Variants in NAALADL2 observed in about 807,000 individuals in gnomAD.
NAALADL2 encodes N-acetylated alpha-linked acidic dipeptidase like 2.
Under a neutral mutation model 87.2 loss-of-function variants are expected in NAALADL2, and 76 were observed. The ratio of observed to expected loss-of-function variants is 0.87; its 90% confidence interval spans 0.72 to 1.05. The LOEUF is 1.05. Among genes scored for constraint, NAALADL2 ranks in the 50% least tolerant of loss-of-function variants. The probability of loss-of-function intolerance (pLI) is 0.00; values close to 1 mark genes in which losing one functional copy is unlikely to be tolerated. For missense variants in NAALADL2, 1,089 were observed against 945.8 expected (o/e 1.15, Z -1.99); for synonymous variants, 354 against 331.0 (o/e 1.07, Z -0.75).
intron 1 of NAALADL2, among the ~76,000 whole-genome samples, chr3:174,492,106 T>A (rs1450168000): frequency 6.6e-6 from 1 of 151,694 alleles, no homozygotes; most frequent in East Asian, 1.9e-4. Context: ...TCTGTCACTA[T>A]TAAAAATACA....
intron 1 of NAALADL2, among the ~76,000 whole-genome samples, chr3:175,031,013 T>C (rs1351390168): frequency 6.6e-6 from 1 of 152,078 alleles, no homozygotes; most frequent in Non-Finnish European, 1.5e-5. Context: ...TCTAAATATT[T>C]CATGAAATTA....
At chr3:174,710,746 T>C (rs1730552151) in intron 2 of NAALADL2, among the ~76,000 whole-genome samples, 1 of 152,122 alleles carries the variant, frequency 6.6e-6, no homozygotes, top group African/African-American at 2.4e-5. Context: ...AGGGACCTCT[T>C]TCCTACAACC....
chr3:175,163,697 T>C (rs1431169223), intron 2 of NAALADL2, among the ~76,000 whole-genome samples: 1 of 152,184 alleles, frequency 6.6e-6, no homozygotes, highest in African/African-American at 2.4e-5. Flanking sequence ...TATTCTATTG[T>C]AAATTGATTT....
intron 2 of NAALADL2, among the ~76,000 whole-genome samples, chr3:174,559,428 A>G (rs1165147178): frequency 1.3e-5 from 2 of 152,218 alleles, no homozygotes; most frequent in African/African-American, 4.8e-5. Context: ...TCTTAACAGT[A>G]GATAAAGTAG....
upstream of NAALADL2, among the ~76,000 whole-genome samples, chr3:174,858,001 G>T (rs1726043825): frequency 6.6e-6 from 1 of 151,340 alleles, no homozygotes; most frequent in Admixed American, 6.6e-5. Context: ...ATAATATATA[G>T]ATTTTTTCAA....
chr3:175,604,470 A>ATT (rs371048158), intron 10 of NAALADL2, among the ~76,000 whole-genome samples: 2 of 151,194 alleles, frequency 1.3e-5, no homozygotes, highest in Non-Finnish European at 3.0e-5. Flanking sequence ...CGCCTGGCTA[A>ATT]TTTTTTTGTC....
chr3:174,898,455 A>G (rs1731890979), intron 1 of NAALADL2, among the ~76,000 whole-genome samples: 2 of 152,120 alleles, frequency 1.3e-5, no homozygotes, highest in South Asian at 4.1e-4. Context: ...CAGGGTGACT[A>G]TAGTCAATAA....
Position 174,908,155 on chromosome 3 carries a change from G to C in NAALADL2, c.43+48705G>C, listed in dbSNP as rs1415252485. ...AAAGTTCTGGAATACCTCTCTGGTT[G>C]CACTTGGTGGTGAAGTTATTACACA... On this transcript the variant is annotated intron_variant, in intron 1 of 13. Coordinates refer to ENST00000454872, the MANE Select transcript of NAALADL2 (RefSeq NM_207015.3). Among the ~76,000 whole-genome samples, 3 of 149,282 alleles carry C rather than the reference G, an allele frequency of 2.0e-5. 1 individual carries two copies. Among genetic ancestry groups the C allele is most frequent in the African/African-American group, 7.4e-5 (3 of 40,426 alleles).
chr3:175,734,986 G>C (rs771921186), intron 11 of NAALADL2, among the ~76,000 whole-genome samples: 3 of 152,136 alleles, frequency 2.0e-5, no homozygotes, highest in Admixed American at 6.5e-5. Flanking sequence ...ACATTGTCAG[G>C]CTGCAAATTT....
intron 2 of NAALADL2, among the ~76,000 whole-genome samples, chr3:174,561,642 G>A (rs573346770): frequency 5.8e-4 from 88 of 152,252 alleles, no homozygotes; most frequent in African/African-American, 2.1e-3. Flanking sequence ...AAAGTTGTTT[G>A]CTGCAACTGG....
chr3:175,696,927 C>T (rs550784234), intron 11 of NAALADL2, among the ~76,000 whole-genome samples: 7 of 152,114 alleles, frequency 4.6e-5, no homozygotes, highest in African/African-American at 1.7e-4. Flanking sequence ...CTTACTAACC[C>T]ACTTCTGCAA....
intron 11 of NAALADL2, among the ~76,000 whole-genome samples, chr3:175,709,997 A>C (rs2149997719): frequency 6.6e-6 from 1 of 152,190 alleles, no homozygotes; most frequent in East Asian, 1.9e-4. Flanking sequence ...CACAGAAAAT[A>C]GGGAAAAGAC....
At chr3:174,634,239 TTA>T (rs1313293194) in intron 2 of NAALADL2, among the ~76,000 whole-genome samples, 1 of 152,160 alleles carries the variant, frequency 6.6e-6, no homozygotes, top group East Asian at 1.9e-4. Context: ...CCTTTGACTT[TTA>T]AAAAATCATA....
At chr3:174,737,819 G>A (rs1250904964) in intron 3 of NAALADL2, 2 of 152,158 alleles carry the variant, frequency 1.3e-5, no homozygotes, top group East Asian at 1.9e-4. Flanking sequence ...GTGACTTCAT[G>A]TATTTCTATA....
rs541236469 is a variant in NAALADL2 at position 174,658,077 on chromosome 3, C to T, written c.-114-79564C>T. ...CAATTTTTGGCAATTATGAATAAAGCTGCTAGAAACACGTATGTTCAGTTT... is the reference window on the plus strand; with the variant it reads ...CAATTTTTGGCAATTATGAATAAAGTTGCTAGAAACACGTATGTTCAGTTT... On this transcript the variant is annotated intron_variant, in intron 2 of 3. Transcript: ENST00000434257. Among the ~76,000 whole-genome samples the T allele has an allele frequency of 1.5e-4, 23 of 152,246 alleles. No homozygotes were observed. The South Asian group carries it at 4.8e-3, about 32-fold the overall frequency.
At chr3:175,128,095 G>A (rs1462744431) in intron 2 of NAALADL2, among the ~76,000 whole-genome samples, 4 of 152,022 alleles carry the variant, frequency 2.6e-5, no homozygotes, top group African/African-American at 9.7e-5. Context: ...TCATCTCTTG[G>A]TTAAGTAATA....
chr3:174,831,628 G>C (rs1722700506), intron 3 of NAALADL2, among the ~76,000 whole-genome samples: 1 of 151,208 alleles, frequency 6.6e-6, no homozygotes, highest in Admixed American at 6.6e-5. Flanking sequence ...CTCATAAAAA[G>C]AGTTAGGGAG....
intron 2 of NAALADL2, among the ~76,000 whole-genome samples, chr3:174,677,435 T>A (rs527611413): frequency 6.6e-6 from 1 of 152,190 alleles, no homozygotes; most frequent in South Asian, 2.1e-4. Context: ...TCAATAACAT[T>A]TGGTATTTTT....
chr3:174,987,827 T>TATATAA (rs1222203525), intron 1 of NAALADL2, among the ~76,000 whole-genome samples: 5 of 130,548 alleles, frequency 3.8e-5, no homozygotes, highest in South Asian at 2.4e-4. Flanking sequence ...TATATATATA[T>TATATAA]AATGAGACCT....
Sources: allele counts gnomAD v4.1 joint callset (sites outside exome capture counted in the v4.1 genomes callset), GRCh38; gene constraint gnomAD v4.1.1; transcripts MANE v1.5; gene names NCBI Gene and HGNC (gene_info 2026-07-23, HGNC 2026-07-21).